The following PLXNA2 variants were observed in gnomAD, a reference collection of about 807,000 sequenced individuals.
PLXNA2 encodes plexin-A2.
In PLXNA2, 91 loss-of-function variants were observed where a neutral mutation model predicts 193.5. That is an observed-to-expected ratio of 0.47 (90% CI 0.40 to 0.56). The LOEUF is 0.56. Among genes scored for constraint, PLXNA2 ranks in the 20% least tolerant of loss-of-function variants. The pLI is 0.00. For missense variants in PLXNA2, 1,995 were observed against 2,503.2 expected, an observed-to-expected ratio of 0.80 and a Z score of 4.33; for synonymous variants, 997 against 1,027.3, an observed-to-expected ratio of 0.97 and a Z score of 0.56.
intron 3 of PLXNA2, among the ~76,000 whole-genome samples, chr1:208,168,987 C>T (rs1245677600): frequency 6.6e-6 from 1 of 151,946 alleles, no homozygotes; most frequent in Admixed American, 6.6e-5. Context: ...GATACCCTGC[C>T]CTTCGATGGT....
intron 1 of PLXNA2, among the ~76,000 whole-genome samples, chr1:208,241,719 G>C (rs1672057599): frequency 6.6e-6 from 1 of 152,248 alleles, no homozygotes; most frequent in South Asian, 2.1e-4. Flanking sequence ...AGGGAGCAGA[G>C]AGGGTAATCT....
rs373842883 is a variant in PLXNA2 at position 208,054,448 on chromosome 1, C to T, written c.2829G>A (p.Thr943=). The change falls in exon 14 of 32, where the codon ACG becomes ACA. Residue 943 remains threonine (T), a synonymous_variant. Coordinates refer to ENST00000367033, the MANE Select transcript of PLXNA2 (RefSeq NM_025179.4). The part of the protein sequence containing the change: ...CIGECKPEFM[T]KSHQQYTFVN... ...CGAAGGTGTACTGCTGATGGGACTTCGTCATGAACTCTGGCTTACACTCGC... is the reference window on the plus strand; with the variant it reads ...CGAAGGTGTACTGCTGATGGGACTTTGTCATGAACTCTGGCTTACACTCGC... 109 of 1,613,974 alleles carry T rather than the reference C, an allele frequency of 6.8e-5. No individual in the cohort carries two copies. The highest frequency in any genetic ancestry group is 3.3e-4 in the Middle Eastern group (2 of 6,080).
intron 3 of PLXNA2, among the ~76,000 whole-genome samples, chr1:208,166,680 CAA>C (rs1001488682): frequency 2.6e-5 from 4 of 152,094 alleles, no homozygotes; most frequent in African/African-American, 9.7e-5. Flanking sequence ...AACAAATGTA[CAA>C]AGTTTATAAC....
intron 12 of PLXNA2, among the ~76,000 whole-genome samples, chr1:208,062,773 G>T: frequency 6.6e-6 from 1 of 152,294 alleles, no homozygotes; most frequent in East Asian, 1.9e-4. Context: ...ACAACTTGGA[G>T]AGGAAGGAGC....
chr1:208,198,202 G>T (rs955332663), intron 3 of PLXNA2, among the ~76,000 whole-genome samples: 14 of 152,170 alleles, frequency 9.2e-5, no homozygotes, highest in Admixed American at 4.6e-4. Context: ...CCCCAGCAGT[G>T]GTCGGCTGTT....
intron 13 of PLXNA2, among the ~76,000 whole-genome samples, chr1:208,055,914 A>T (rs564251443): frequency 6.6e-6 from 1 of 152,350 alleles, no homozygotes; most frequent in African/African-American, 2.4e-5. Flanking sequence ...ATTAGATTCA[A>T]CAAGAAAGTA....
intron 12 of PLXNA2, among the ~76,000 whole-genome samples, chr1:208,076,566 C>A (rs1475700136): frequency 6.6e-6 from 1 of 152,144 alleles, no homozygotes; most frequent in Non-Finnish European, 1.5e-5. Flanking sequence ...ATTTTTGGTA[C>A]TTTTGCCACA....
intron 4 of PLXNA2, among the ~76,000 whole-genome samples, chr1:208,109,391 A>G (rs538668701): frequency 3.9e-5 from 6 of 152,290 alleles, no homozygotes; most frequent in Admixed American, 1.3e-4. Flanking sequence ...CCTGTTTTCA[A>G]GAAAAGATCT....
intron 29 of PLXNA2, 89 bp downstream of exon 29, chr1:208,031,501 C>T (rs181553763): frequency 2.0e-4 from 298 of 1,505,328 alleles, no homozygotes; most frequent in South Asian, 4.6e-5. Context: ...AATAGGCTAT[C>T]CTCCCACCCT....
rs1045191286 is a variant in PLXNA2, at chr1:208,201,497, G to A, written c.1371+8783C>T. Among the ~76,000 whole-genome samples, 4 of 152,224 alleles carry A rather than the reference G, an allele frequency of 2.6e-5. No homozygotes were observed. In the Middle Eastern group the frequency reaches 0.01, roughly 388 times the overall value. Reference sequence around the variant, plus strand: ...TAAGTATTTTTTTCCCATGACTCAGGGCTGGGAGTAGGGGACAGGATTCTC... The same window carrying A: ...TAAGTATTTTTTTCCCATGACTCAGAGCTGGGAGTAGGGGACAGGATTCTC... On this transcript the variant is annotated intron_variant, in intron 3 of 31. Transcript: ENST00000367033.
intron 3 of PLXNA2, among the ~76,000 whole-genome samples, chr1:208,194,460 C>CAAAAAAAAAAAAAAAAAAAAAAAAA (rs10522096): frequency 6.4e-5 from 6 of 93,990 alleles, no homozygotes; most frequent in Non-Finnish European, 8.8e-5. Context: ...CAGCTTACTG[C>CAAAAAAAAAAAAAAAAAAAAAAAAA]AAAAAAAAAA....
chr1:208,073,208 C>G (rs905337752), intron 12 of PLXNA2, among the ~76,000 whole-genome samples: 4 of 152,210 alleles, frequency 2.6e-5, no homozygotes, highest in Admixed American at 2.6e-4. Flanking sequence ...AGAATGTTGG[C>G]TGGTCTGCTC....
At chr1:208,137,102 G>A (rs77065483) in intron 4 of PLXNA2, among the ~76,000 whole-genome samples, 4 of 152,066 alleles carry the variant, frequency 2.6e-5, no homozygotes, top group African/African-American at 9.7e-5. Context: ...ATGCTATTTT[G>A]CCTCTCCAGG....
At chr1:208,203,742 C>CTG (rs745761918) in intron 3 of PLXNA2, among the ~76,000 whole-genome samples, 5,968 of 152,266 alleles carry the variant, frequency 0.039, 172 homozygotes, top group East Asian at 0.1. Flanking sequence ...TTTAGTATAG[C>CTG]TACAGCTCAG....
intron 12 of PLXNA2, among the ~76,000 whole-genome samples, chr1:208,064,502 C>A (rs534909757): frequency 6.6e-6 from 1 of 152,156 alleles, no homozygotes; most frequent in African/African-American, 2.4e-5. Flanking sequence ...TTCTACATCA[C>A]GCTGTTTAAA....
intron 3 of PLXNA2, among the ~76,000 whole-genome samples, chr1:208,208,300 C>T (rs1353907640): frequency 6.6e-6 from 1 of 152,210 alleles, no homozygotes; most frequent in African/African-American, 2.4e-5. Flanking sequence ...CAGTCTCCCT[C>T]CCTGGGCTCT....
At chr1:208,206,038 A>C (rs952342979) in intron 3 of PLXNA2, among the ~76,000 whole-genome samples, 1 of 152,160 alleles carries the variant, frequency 6.6e-6, no homozygotes, top group African/African-American at 2.4e-5. Flanking sequence ...TGATAATAGC[A>C]CCTACCTCAT....
chr1:208,229,293 T>C (rs1249776), intron 1 of PLXNA2, among the ~76,000 whole-genome samples: 46,070 of 152,072 alleles, frequency 0.3, 7,145 homozygotes, highest in East Asian at 0.42. Flanking sequence ...GCTGTCTTTT[T>C]TATGTGACTA....
chr1:208,107,040 T>C (rs1667291489), intron 4 of PLXNA2, among the ~76,000 whole-genome samples: 1 of 152,208 alleles, frequency 6.6e-6, no homozygotes, highest in African/African-American at 2.4e-5. Context: ...ACCACAGAGC[T>C]GGAATATGTG....
Sources: gnomAD v4.1 joint callset for allele counts (sites outside exome capture counted in the v4.1 genomes callset) on GRCh38, gnomAD v4.1.1 for gene constraint, MANE v1.5 for transcripts, NCBI Gene and HGNC (gene_info 2026-07-23, HGNC 2026-07-21) for gene names.